PCDHGA6: variants seen among roughly 807,000 people sequenced by gnomAD.
PCDHGA6 encodes protocadherin gamma subfamily A, 6, also known as protocadherin gamma-A6.
In PCDHGA6, 41 loss-of-function variants were observed where a neutral mutation model predicts 60.6. That is an observed-to-expected ratio of 0.68 (90% confidence interval 0.53 to 0.88). PCDHGA6 has a LOEUF of 0.88. Ranked by LOEUF, PCDHGA6 falls within the 40% of genes least tolerant of loss-of-function variation. The probability of loss-of-function intolerance (pLI) is 0.00; values close to 1 mark genes in which losing one functional copy is unlikely to be tolerated. For synonymous variants in PCDHGA6, 594 were observed against 524.4 expected, an observed-to-expected ratio of 1.13 and a Z score of -1.81; for missense variants, 1,312 against 1,203.0, an observed-to-expected ratio of 1.09 and a Z score of -1.34.
chr5:141,383,168 T>C, intron 1 of PCDHGA6: 1 of 1,614,096 alleles, frequency 6.2e-7, no homozygotes. Flanking sequence ...GCGGGCAGGA[T>C]AGACCGGGAA....
At chr5:141,409,334 G>A (rs767579166) in intron 1 of PCDHGA6, 1 of 1,613,974 alleles carries the variant, frequency 6.2e-7, no homozygotes, top group South Asian at 1.1e-5. Flanking sequence ...GGATTTCGGA[G>A]GAAATGGAGA....
intron 1 of PCDHGA6, among the ~76,000 whole-genome samples, chr5:141,425,165 A>G (rs1391395593): frequency 6.6e-6 from 1 of 152,140 alleles, no homozygotes; most frequent in Non-Finnish European, 1.5e-5. Flanking sequence ...TAGGGATAGG[A>G]TTTATACTTG....
At chr5:141,383,304 G>A (rs1779007855) in intron 1 of PCDHGA6, 1 of 1,613,918 alleles carries the variant, frequency 6.2e-7, no homozygotes, top group Non-Finnish European at 8.5e-7. Context: ...GATTCTTGAC[G>A]GAAGAAATAA....
chr5:141,408,309 C>G, intron 1 of PCDHGA6: 1 of 1,613,816 alleles, frequency 6.2e-7, no homozygotes, highest in South Asian at 1.1e-5. Context: ...ATCCGCTACT[C>G]GATTCCGGAG....
chr5:141,396,811 A>G (rs999771105), intron 1 of PCDHGA6, among the ~76,000 whole-genome samples: 1 of 152,226 alleles, frequency 6.6e-6, no homozygotes, highest in Non-Finnish European at 1.5e-5. Flanking sequence ...GTAGTGTTCT[A>G]CTGTATGGTG....
chr5:141,387,885 A>G, intron 1 of PCDHGA6: 2 of 1,578,800 alleles, frequency 1.3e-6, no homozygotes, highest in Non-Finnish European at 1.7e-6. Context: ...AGCAAGAGGG[A>G]TGGGGAGCGG....
At chr5:141,419,762 A>G in intron 1 of PCDHGA6, 1 of 1,614,008 alleles carries the variant, frequency 6.2e-7, no homozygotes, top group Non-Finnish European at 8.5e-7. Context: ...TTTGGGTGAC[A>G]AGGACTCGGT....
chr5:141,426,848 C>A (rs1379697529), intron 1 of PCDHGA6: 1 of 456,670 alleles, frequency 2.2e-6, no homozygotes, highest in Non-Finnish European at 4.4e-6. Context: ...AAGGCAAGAA[C>A]GCTCCAGAAT....
In PCDHGA6 at chr5:141,487,470, G is replaced by C; in HGVS notation, c.2425-7337G>C. ...GACCCTATCAAGTTTGTTGATGTGG[G>C]AGGCCACTCTCATGGCTGTACACCC... On this transcript the variant is annotated intron_variant, in intron 1 of 3. Coordinates refer to ENST00000517434, the MANE Select transcript of PCDHGA6 (RefSeq NM_018919.3). The surrounding 1 kb of genome is among the most constrained non-coding windows in gnomAD (Gnocchi z 5.0). The C allele has an allele frequency of 1.9e-6, 3 of 1,614,162 alleles. No individual in the cohort carries two copies. Among genetic ancestry groups the C allele is most frequent in the South Asian group, 1.1e-5 (1 of 91,084 alleles).
chr5:141,496,783 C>T (rs572860852), intron 2 of PCDHGA6, among the ~76,000 whole-genome samples: 1 of 152,162 alleles, frequency 6.6e-6, no homozygotes, highest in East Asian at 1.9e-4. Context: ...GAGCAGGGCC[C>T]TGTGCTAAAC....
chr5:141,472,542 G>GA (rs904556404), intron 1 of PCDHGA6, among the ~76,000 whole-genome samples: 21 of 147,124 alleles, frequency 1.4e-4, no homozygotes, highest in Admixed American at 7.4e-4. Flanking sequence ...ACCATCTCAA[G>GA]AAAAAAAAAA....
chr5:141,471,036 C>A (rs1437409726), intron 1 of PCDHGA6, among the ~76,000 whole-genome samples: 1 of 144,908 alleles, frequency 6.9e-6, no homozygotes, highest in Admixed American at 7.0e-5. Context: ...TATTAACAAG[C>A]CCAAGCCCTC....
At chr5:141,497,818 G>T (rs2099779657) in intron 2 of PCDHGA6, among the ~76,000 whole-genome samples, 1 of 152,194 alleles carries the variant, frequency 6.6e-6, no homozygotes, top group African/African-American at 2.4e-5. Context: ...AGAATTACAG[G>T]TGTGATCGCC....
At position 141,485,396 on chromosome 5, in the gene PCDHGA6, T is replaced by C. The variant is rs1466959644; in HGVS notation, c.2425-9411T>C. 2.5e-6 allele frequency: 4 copies of C among 1,614,042 alleles called. No homozygotes were observed. Among genetic ancestry groups the C allele is most frequent in the Non-Finnish European group, 3.4e-6 (4 of 1,179,960 alleles). On this transcript the variant is annotated intron_variant, in intron 1 of 3. Coordinates refer to ENST00000517434, the MANE Select transcript of PCDHGA6 (RefSeq NM_018919.3). The surrounding 1 kb of genome is among the most constrained non-coding windows in gnomAD (Gnocchi z 5.7). ...CGCTGGAGAGGTGAACCAAAGACAC[T>C]TCCGTGTGGATTTGGACAGCGGAGC...
rs2099413746 is a variant in PCDHGA6, at chr5:141,477,589, G to A, written c.2425-17218G>A. ...ACCCCGACGCCCCGCAGAATGCTCGGCTTTCTTTCTTTCTCTTGGAGCAAG... is the reference window on the plus strand; with the variant it reads ...ACCCCGACGCCCCGCAGAATGCTCGACTTTCTTTCTTTCTCTTGGAGCAAG... On this transcript the variant is annotated intron_variant, in intron 1 of 3. Transcript: ENST00000517434. The surrounding 1 kb of genome is among the most constrained non-coding windows in gnomAD (Gnocchi z 4.9). 1 of 1,614,012 alleles carries A rather than the reference G, an allele frequency of 6.2e-7. No individual in the cohort carries two copies. The highest frequency in any genetic ancestry group is 1.1e-5 in the South Asian group (1 of 91,090).
intron 1 of PCDHGA6, chr5:141,395,381 A>G (rs562557513): frequency 2.0e-4 from 223 of 1,094,768 alleles, no homozygotes; most frequent in African/African-American, 1.2e-3. Context: ...TGGTGTTACT[A>G]TAAAATTGAA....
rs370704205 is a variant in PCDHGA6, at chr5:141,422,166, T to C, written c.2424+45659T>C. 4.5e-6 allele frequency: 7 copies of C among 1,569,374 alleles called. No individual in the cohort carries two copies. In the South Asian group the frequency reaches 8.5e-5, roughly 19 times the overall value. ...GGGGGTCTCTGGATTTTGAAAAATA[T>C]AGATTCTATGAGATGGAAATTCAAG... On this transcript the variant is annotated intron_variant, in intron 1 of 3. Coordinates refer to ENST00000517434, the MANE Select transcript of PCDHGA6 (RefSeq NM_018919.3).
chr5:141,405,595 A>C (rs1255161296), intron 1 of PCDHGA6: 1 of 578,138 alleles, frequency 1.7e-6, no homozygotes, highest in Non-Finnish European at 3.1e-6. Flanking sequence ...CAGGCCTCCC[A>C]AGTAGAATAA....
chr5:141,497,626 G>T (rs1373764805), intron 2 of PCDHGA6, among the ~76,000 whole-genome samples: 3 of 149,502 alleles, frequency 2.0e-5, no homozygotes, highest in Non-Finnish European at 4.4e-5. Flanking sequence ...TGCAACCTCT[G>T]CCTGCCAGGT....
Sources: gnomAD v4.1 joint callset for allele counts (sites outside exome capture counted in the v4.1 genomes callset) on GRCh38, gnomAD v4.1.1 for gene constraint, Gnocchi (gnomAD v3.1) non-coding constraint, MANE v1.5 for transcripts, NCBI Gene and HGNC (gene_info 2026-07-23, HGNC 2026-07-21) for gene names.